The following TENM2 variants were observed in gnomAD, a reference collection of about 807,000 sequenced individuals.
The protein encoded by TENM2 is teneurin-2.
In TENM2, 52 loss-of-function variants were observed where a neutral mutation model predicts 245.2. That is an observed-to-expected ratio of 0.21 (90% CI 0.17 to 0.27). TENM2 has a LOEUF of 0.27. TENM2 is among the 10% of genes least tolerant of loss of function. The pLI is 1.00. For synonymous variants in TENM2, 1,363 were observed against 1,438.9 expected, an observed-to-expected ratio of 0.95 and a Z score of 1.19; for missense variants, 3,046 against 3,666.8, an observed-to-expected ratio of 0.83 and a Z score of 4.37.
At chr5:167,120,918 A>C in the TENM2 span, among the ~76,000 whole-genome samples, 2 of 152,218 alleles carry the variant, frequency 1.3e-5, no homozygotes, top group South Asian at 2.1e-4. Flanking sequence ...GCAGAGCAGA[A>C]GTACTTATGC....
chr5:167,311,925 A>C (rs371046656), intron 1 of TENM2, among the ~76,000 whole-genome samples: 2 of 152,186 alleles, frequency 1.3e-5, no homozygotes, highest in Non-Finnish European at 2.9e-5. Flanking sequence ...AATTGTATGA[A>C]TGTAGGGATC....
chr5:167,630,676 C>G (rs1778807695), intron 2 of TENM2, among the ~76,000 whole-genome samples: 1 of 152,086 alleles, frequency 6.6e-6, no homozygotes, highest in African/African-American at 2.4e-5. Context: ...CCATATTTCT[C>G]AAAGCATTTA....
At chr5:168,063,901 T>C (rs1790272393) in intron 7 of TENM2, among the ~76,000 whole-genome samples, 1 of 152,088 alleles carries the variant, frequency 6.6e-6, no homozygotes, top group Admixed American at 6.6e-5. Context: ...GTTTTTATGA[T>C]CATACACAGC....
intron 2 of TENM2, among the ~76,000 whole-genome samples, chr5:167,639,239 A>C (rs1170363522): frequency 6.6e-6 from 1 of 152,198 alleles, no homozygotes; most frequent in Non-Finnish European, 1.5e-5. Flanking sequence ...TGGTGTATTA[A>C]TTTGTATTTC....
At chr5:167,043,778 G>C in the TENM2 span, among the ~76,000 whole-genome samples, 2 of 152,164 alleles carry the variant, frequency 1.3e-5, no homozygotes, top group Non-Finnish European at 2.9e-5. Context: ...TTGGGAGGCC[G>C]AGGCGTGATC....
intron 2 of TENM2, among the ~76,000 whole-genome samples, chr5:167,563,409 A>G (rs1468129204): frequency 6.6e-6 from 1 of 152,120 alleles, no homozygotes; most frequent in African/African-American, 2.4e-5. Context: ...AATACTTCCC[A>G]AAGAACCTTC....
At chr5:168,174,890 G>A (rs1267884220) in intron 13 of TENM2, among the ~76,000 whole-genome samples, 3 of 152,176 alleles carry the variant, frequency 2.0e-5, no homozygotes, top group African/African-American at 4.8e-5. Context: ...TGGAATAAAC[G>A]AAAAATGTGG....
intron 2 of TENM2, among the ~76,000 whole-genome samples, chr5:167,802,679 G>T (rs1468692886): frequency 6.6e-6 from 1 of 152,104 alleles, no homozygotes; most frequent in African/African-American, 2.4e-5. Context: ...TTACACACTG[G>T]GCAGTGTACA....
rs181959881 is a variant in TENM2 at position 167,740,193 on chromosome 5, G to A, written c.503-135793G>A. Among the ~76,000 whole-genome samples the A allele has an allele frequency of 1.2e-4, 18 of 152,250 alleles. 1 individual carries two copies. Among genetic ancestry groups the A allele is most frequent in the Admixed American group, 1.2e-3 (18 of 15,296 alleles). On this transcript the variant is annotated intron_variant, in intron 2 of 28. Coordinates refer to ENST00000518659, the Ensembl canonical transcript of TENM2. ...GAAATCACCTCTCCAAATCGACAAT[G>A]ACTTTCCAAATCTATATGTCTTTGC...
At chr5:168,255,194 C>G (rs1767539840) in intron 27 of TENM2, among the ~76,000 whole-genome samples, 1 of 152,210 alleles carries the variant, frequency 6.6e-6, no homozygotes, top group South Asian at 2.1e-4. Flanking sequence ...CAAAAAAACA[C>G]AGATGGGGAG....
chr5:167,405,592 T>A (rs1762584500), intron 2 of TENM2, among the ~76,000 whole-genome samples: 1 of 151,994 alleles, frequency 6.6e-6, no homozygotes, highest in Non-Finnish European at 1.5e-5. Context: ...ATCAAGCAAG[T>A]GAAGGCTTCA....
chr5:167,452,948 T>TATATATATATATATATTTTAA (rs10627779), intron 2 of TENM2, among the ~76,000 whole-genome samples: 481 of 47,470 alleles, frequency 0.01, 28 homozygotes, highest in African/African-American at 0.015. Context: ...TATATATATA[T>TATATATATATATATATTTTAA]ATATATATAT....
At chr5:167,105,887 C>CAAAAAAAAAAAAAAAAA in the TENM2 span, among the ~76,000 whole-genome samples, 2 of 48,848 alleles carry the variant, frequency 4.1e-5, no homozygotes, top group Non-Finnish European at 3.3e-5. Context: ...GACTCCGTCT[C>CAAAAAAAAAAAAAAAAA]AAAAAAAAAA....
At chr5:167,751,101 G>A (rs977025101) in intron 2 of TENM2, among the ~76,000 whole-genome samples, 1 of 152,124 alleles carries the variant, frequency 6.6e-6, no homozygotes, top group Non-Finnish European at 1.5e-5. Flanking sequence ...AAAGGACAGG[G>A]TTGCCAGGGT....
rs1397559797 is a variant in TENM2 at position 167,370,273 on chromosome 5, T to C, written c.227-4925T>C. ...AGGAGAATGGCGTGAACCCGGGAGG[T>C]GGAGCTTGCAGTGAGCCGAGATAAC... On this transcript the variant is annotated intron_variant, in intron 1 of 28. Transcript: ENST00000518659. Among the ~76,000 whole-genome samples the C allele has an allele frequency of 6.3e-5, 7 of 111,318 alleles. No homozygotes were observed. The East Asian group carries it at 1.5e-3, about 24-fold the overall frequency. The allele number at this position is 111,318 out of a possible 152,430, so 73.0% of individuals were successfully genotyped here.
At chr5:167,326,408 C>T (rs1757080616) in intron 1 of TENM2, among the ~76,000 whole-genome samples, 1 of 152,022 alleles carries the variant, frequency 6.6e-6, no homozygotes, top group Admixed American at 6.6e-5. Flanking sequence ...GGCATGGTGG[C>T]TCACGCCTGT....
intron 2 of TENM2, among the ~76,000 whole-genome samples, chr5:167,723,022 A>G (rs1405569213): frequency 6.6e-6 from 1 of 152,176 alleles, no homozygotes; most frequent in South Asian, 2.1e-4. Flanking sequence ...AAGGACTTTA[A>G]CATTATAACC....
chr5:167,762,186 C>T (rs1159990084), intron 2 of TENM2, among the ~76,000 whole-genome samples: 3 of 152,180 alleles, frequency 2.0e-5, no homozygotes, highest in African/African-American at 7.2e-5. Context: ...CGTGCACGTG[C>T]ATGGATACGC....
chr5:167,545,600 A>G (rs1772508852), intron 2 of TENM2, among the ~76,000 whole-genome samples: 3 of 152,206 alleles, frequency 2.0e-5, no homozygotes, highest in Admixed American at 6.5e-5. Flanking sequence ...TATACATCAA[A>G]TACAATAAAA....
Sources: allele counts gnomAD v4.1 joint callset (sites outside exome capture counted in the v4.1 genomes callset), GRCh38; gene constraint gnomAD v4.1.1; transcripts MANE v1.5; gene names NCBI Gene and HGNC (gene_info 2026-07-23, HGNC 2026-07-21).